The following CSRNP3 variants were observed in gnomAD, a reference collection of about 807,000 sequenced individuals.
CSRNP3 encodes the protein cysteine/serine-rich nuclear protein 3.
Under a neutral mutation model 48.0 loss-of-function variants are expected in CSRNP3, and 12 were observed. The observed-to-expected ratio is 0.25, with a 90% CI of 0.16 to 0.41. The LOEUF is 0.41. CSRNP3 is among the 10% of genes least tolerant of loss of function. The pLI, the probability that CSRNP3 is intolerant of heterozygous loss-of-function variation, is 1.00. For synonymous variants in CSRNP3, 263 were observed against 269.7 expected, an observed-to-expected ratio of 0.98 and a Z score of 0.24; for missense variants, 580 against 724.4, an observed-to-expected ratio of 0.80 and a Z score of 2.29.
intron 1 of CSRNP3, among the ~76,000 whole-genome samples, chr2:165,483,658 A>G (rs535950697): frequency 6.6e-6 from 1 of 152,238 alleles, no homozygotes; most frequent in South Asian, 2.1e-4. Flanking sequence ...TATTTCCCAC[A>G]TTTCTGGAGG....
In CSRNP3 at chr2:165,520,565, A is replaced by AT. The variant is rs569537944; in HGVS notation, c.-24+2612dup. Among the ~76,000 whole-genome samples, 928 of 151,136 alleles carry AT rather than the reference A, an allele frequency of 6.1e-3. 5 individuals are homozygous for AT. The highest frequency in any genetic ancestry group is 0.011 in the Non-Finnish European group (778 of 67,760). ...ATTTCAAAATCTATTAAGTATTGTG[A>AT]TTTTTTTTCAGTCTTCCAAAAGGCA... On this transcript the variant is annotated intron_variant, in intron 3 of 6. Transcript: ENST00000651982.
chr2:165,567,892 A>G (rs1685318851), intron 3 of CSRNP3, among the ~76,000 whole-genome samples: 1 of 152,032 alleles, frequency 6.6e-6, no homozygotes, highest in African/African-American at 2.4e-5. Context: ...ATAATTTTTC[A>G]CAATGCTGGA....
chr2:165,662,180 A>AAAATAAAGATGTTATTTTGAAAG (rs1558965964), intron 5 of CSRNP3, among the ~76,000 whole-genome samples: 1 of 151,716 alleles, frequency 6.6e-6, no homozygotes, highest in East Asian at 1.9e-4. Context: ...TATTTTGAAA[A>AAAATAAAGATGTTATTTTGAAAG]CAAAATAAAA....
chr2:165,511,783 G>C (rs1282706777), intron 2 of CSRNP3, among the ~76,000 whole-genome samples: 1 of 152,128 alleles, frequency 6.6e-6, no homozygotes, highest in Non-Finnish European at 1.5e-5. Flanking sequence ...CACTACAGGG[G>C]ACCCACTTAT....
chr2:165,665,488 G>A (rs574529777), intron 5 of CSRNP3, among the ~76,000 whole-genome samples: 26 of 152,214 alleles, frequency 1.7e-4, no homozygotes, highest in African/African-American at 5.1e-4. Context: ...TGGCCGGGCA[G>A]GGTGGCTCGC....
At chr2:165,587,938 G>T (rs531391193) in intron 3 of CSRNP3, among the ~76,000 whole-genome samples, 1 of 152,202 alleles carries the variant, frequency 6.6e-6, no homozygotes, top group East Asian at 1.9e-4. Context: ...GAAATTAAAG[G>T]CTTATATTAA....
At chr2:165,666,081 A>T (rs1287770877) in intron 5 of CSRNP3, among the ~76,000 whole-genome samples, 1 of 106,376 alleles carries the variant, frequency 9.4e-6, no homozygotes, top group Non-Finnish European at 2.0e-5. Flanking sequence ...AGAGAGAGAG[A>T]AAGGAAGGAA....
chr2:165,683,134 T>C lies in CSRNP3; in HGVS notation c.*3381T>C, dbSNP rs1336290251. On this transcript the variant is annotated 3_prime_UTR_variant, in exon 7 of 7. Transcript: ENST00000651982. ...AATGAAAGAGATTTACTTAAGTTTTTCCTCCTTATCTCTTGATCATTAATT... is the reference window on the plus strand; with the variant it reads ...AATGAAAGAGATTTACTTAAGTTTTCCCTCCTTATCTCTTGATCATTAATT... 1 of 152,146 alleles carries C rather than the reference T, an allele frequency of 6.6e-6. No individual in the cohort carries two copies. Among genetic ancestry groups the C allele is most frequent in the African/African-American group, 2.4e-5 (1 of 41,446 alleles). 9.4% of individuals were successfully genotyped at this position (152,146 alleles called of 1,614,324 possible). A position where few individuals can be genotyped will look rare whatever the true frequency, so the allele number is the denominator to read the frequency against.
At chr2:165,574,226 G>T (rs1358670356) in intron 3 of CSRNP3, 1 of 618,726 alleles carries the variant, frequency 1.6e-6, no homozygotes, top group Non-Finnish European at 2.9e-6. Context: ...AGACCAGCTC[G>T]GAGGCTTTGA....
chr2:165,520,788 T>TAGATG, intron 3 of CSRNP3, among the ~76,000 whole-genome samples: 1 of 9,314 alleles, frequency 1.1e-4, no homozygotes, highest in East Asian at 3.9e-3. Flanking sequence ...ATATATTATA[T>TAGATG]ATATATATAT....
intron 5 of CSRNP3, among the ~76,000 whole-genome samples, chr2:165,661,389 C>T (rs1427554719): frequency 6.6e-6 from 1 of 152,114 alleles, no homozygotes; most frequent in Non-Finnish European, 1.5e-5. Context: ...TTACATTGGC[C>T]TACCGGAGAG....
intron 4 of CSRNP3, among the ~76,000 whole-genome samples, chr2:165,644,071 A>G (rs1258562074): frequency 1.3e-5 from 2 of 152,138 alleles, no homozygotes; most frequent in African/African-American, 4.8e-5. Context: ...ATCATTTATA[A>G]TATTCAGGTA....
Position 165,644,039 on chromosome 2 carries a change from T to C in CSRNP3, c.149-13722T>C, listed in dbSNP as rs554831649. On this transcript the variant is annotated intron_variant, in intron 4 of 6. Transcript: ENST00000651982. ...GTCAGTACCAATTAGTGATACATTATCAGCAGGATTTCTCTTTCAAAATCA... is the reference window on the plus strand; with the variant it reads ...GTCAGTACCAATTAGTGATACATTACCAGCAGGATTTCTCTTTCAAAATCA... Among the ~76,000 whole-genome samples the C allele has an allele frequency of 7.2e-5, 11 of 152,312 alleles. No individual in the cohort carries two copies. In the South Asian group the frequency reaches 2.3e-3, roughly 32 times the overall value.
At chr2:165,613,985 G>C (rs1042543042) in intron 4 of CSRNP3, among the ~76,000 whole-genome samples, 4 of 151,596 alleles carry the variant, frequency 2.6e-5, no homozygotes, top group Admixed American at 2.0e-4. Context: ...AAATTGCTTT[G>C]AGTAGTATGG....
At chr2:165,659,089 T>C (rs950151115) in intron 5 of CSRNP3, among the ~76,000 whole-genome samples, 5 of 152,036 alleles carry the variant, frequency 3.3e-5, no homozygotes, top group African/African-American at 1.2e-4. Flanking sequence ...TCGTCAAGAG[T>C]TTTAAGCTGA....
intron 4 of CSRNP3, among the ~76,000 whole-genome samples, chr2:165,615,003 C>G (rs1212944965): frequency 6.6e-6 from 1 of 152,094 alleles, no homozygotes; most frequent in Non-Finnish European, 1.5e-5. Context: ...GGAGAATATT[C>G]CATGTGCTGA....
intron 2 of CSRNP3, among the ~76,000 whole-genome samples, chr2:165,507,365 C>T (rs1248841152): frequency 6.6e-6 from 1 of 152,014 alleles, no homozygotes; most frequent in African/African-American, 2.4e-5. Flanking sequence ...TTTGGTACCC[C>T]AGAACCTAAG....
chr2:165,675,138 AT>A (rs1255085312), intron 5 of CSRNP3, among the ~76,000 whole-genome samples: 1 of 151,944 alleles, frequency 6.6e-6, no homozygotes, highest in African/African-American at 2.4e-5. Flanking sequence ...CAGTTTGAGG[AT>A]TTTTTCTAAT....
chr2:165,575,292 CA>C (rs1292830179), intron 3 of CSRNP3, among the ~76,000 whole-genome samples: 3 of 151,876 alleles, frequency 2.0e-5, no homozygotes, highest in African/African-American at 7.3e-5. Context: ...TATTTTCAAA[CA>C]AACTTAATTA....
Sources: allele counts gnomAD v4.1 joint callset (sites outside exome capture counted in the v4.1 genomes callset), GRCh38; gene constraint gnomAD v4.1.1; transcripts MANE v1.5; gene names NCBI Gene and HGNC (gene_info 2026-07-23, HGNC 2026-07-21).